The following PIK3C2A variants were observed in gnomAD, a reference collection of about 807,000 sequenced individuals.
The protein encoded by PIK3C2A is phosphatidylinositol 4-phosphate 3-kinase C2 domain-containing subunit alpha.
In PIK3C2A, 97 loss-of-function variants were observed where a neutral mutation model predicts 204.5. That is an observed-to-expected ratio of 0.47 (90% CI 0.40 to 0.56). PIK3C2A has a LOEUF of 0.56. Ranked by LOEUF, PIK3C2A falls within the 20% of genes least tolerant of loss-of-function variation. The pLI, the probability that PIK3C2A is intolerant of heterozygous loss-of-function variation, is 0.00. For synonymous variants in PIK3C2A, 653 were observed against 664.4 expected, an observed-to-expected ratio of 0.98 and a Z score of 0.26; for missense variants, 1,735 against 1,969.2, an observed-to-expected ratio of 0.88 and a Z score of 2.25.
chr11:17,170,826 G>A (rs1035915394), intron 1 of PIK3C2A, among the ~76,000 whole-genome samples: 8 of 152,072 alleles, frequency 5.3e-5, no homozygotes, highest in South Asian at 2.1e-4. Context: ...ATGACTGGCC[G>A]GGCTCGGTGG....
At chr11:17,154,741 T>C (rs950109491) in intron 3 of PIK3C2A, among the ~76,000 whole-genome samples, 1 of 152,068 alleles carries the variant, frequency 6.6e-6, no homozygotes, top group African/African-American at 2.4e-5. Flanking sequence ...GGAAAGGAAA[T>C]GGAGTGGACA....
At chr11:17,171,644 T>C (rs558817414) in intron 1 of PIK3C2A, among the ~76,000 whole-genome samples, 3 of 152,236 alleles carry the variant, frequency 2.0e-5, no homozygotes, top group African/African-American at 7.2e-5. Context: ...ATGGGCACAA[T>C]GTATATTTAA....
At chr11:17,120,123 T>C (rs1234151805) in intron 15 of PIK3C2A, 149 bp from the exon 16 acceptor site, 36 of 494,526 alleles carry the variant, frequency 7.3e-5, no homozygotes, top group Admixed American at 3.9e-5. Flanking sequence ...AAAAATGCAA[T>C]GTATGGCAAA....
chr11:17,100,481 C>T (rs924800216), intron 25 of PIK3C2A, among the ~76,000 whole-genome samples: 1 of 152,150 alleles, frequency 6.6e-6, no homozygotes, highest in African/African-American at 2.4e-5. Flanking sequence ...CTTAGCCTCC[C>T]AAAGTGCTGG....
intron 27 of PIK3C2A, among the ~76,000 whole-genome samples, chr11:17,096,334 G>A (rs969777178): frequency 2.0e-5 from 3 of 152,054 alleles, no homozygotes; most frequent in African/African-American, 4.8e-5. Context: ...CACTGCGCCC[G>A]GCCTATTTAA....
chr11:17,129,938 C>T (rs949840583), intron 12 of PIK3C2A, among the ~76,000 whole-genome samples: 2 of 152,196 alleles, frequency 1.3e-5, no homozygotes, highest in Non-Finnish European at 2.9e-5. Context: ...GTCTGGCTAA[C>T]TTGTCCTATT....
intron 22 of PIK3C2A, among the ~76,000 whole-genome samples, chr11:17,110,022 G>A (rs188235798): frequency 0.014 from 2,086 of 151,876 alleles, 158 homozygotes; most frequent in Admixed American, 0.11. Context: ...ATGCAATCTC[G>A]GCTCACTGCA....
intron 27 of PIK3C2A, among the ~76,000 whole-genome samples, chr11:17,095,887 A>C (rs555271877): frequency 4.0e-5 from 6 of 151,822 alleles, no homozygotes; most frequent in Non-Finnish European, 7.4e-5. Flanking sequence ...ACTGCACTCC[A>C]GCCTGGGCAA....
chr11:17,125,166 ATTTTAAGG>A (rs1057116378), intron 13 of PIK3C2A, among the ~76,000 whole-genome samples: 9 of 152,204 alleles, frequency 5.9e-5, no homozygotes, highest in African/African-American at 2.2e-4. Flanking sequence ...ATTTTCACAG[ATTTTAAGG>A]TTTTAAAACA....
intron 2 of PIK3C2A, among the ~76,000 whole-genome samples, chr11:17,167,356 C>T (rs747586142): frequency 1.9e-4 from 29 of 152,260 alleles, no homozygotes; most frequent in Non-Finnish European, 3.8e-4. Flanking sequence ...GGCATGGTGG[C>T]TCACGCCTGT....
rs192084915 is a variant in PIK3C2A at position 17,206,464 on chromosome 11, G to C, written c.-66+1384C>G. Among the ~76,000 whole-genome samples, 519 of 151,130 alleles carry C rather than the reference G, an allele frequency of 3.4e-3. 3 individuals are homozygous for C. The highest frequency in any genetic ancestry group is 0.012 in the African/African-American group (498 of 41,130). On this transcript the variant is annotated intron_variant, in intron 1 of 32. Transcript: ENST00000691414. ...CAACTAGGGTCCTTTCGTCTAATTT[G>C]CTGCTGTGAATAAGAGCACCATCCT...
chr11:17,135,820 T>C (rs1338180108), intron 9 of PIK3C2A, among the ~76,000 whole-genome samples: 1 of 152,146 alleles, frequency 6.6e-6, no homozygotes, highest in Admixed American at 6.5e-5. Flanking sequence ...TGGACTATGT[T>C]ATCTTCTAGA....
intron 1 of PIK3C2A, among the ~76,000 whole-genome samples, chr11:17,206,588 TAA>T (rs567568074): frequency 2.0e-4 from 28 of 136,640 alleles, no homozygotes; most frequent in African/African-American, 3.0e-4. Context: ...CCATGTCAAT[TAA>T]AAAAAAAAAA....
chr11:17,189,310 T>C (rs2137545916), intron 1 of PIK3C2A, among the ~76,000 whole-genome samples: 1 of 147,000 alleles, frequency 6.8e-6, no homozygotes, highest in East Asian at 1.9e-4. Context: ...CTCCTTTGTT[T>C]TATAGAAGCT....
intron 22 of PIK3C2A, among the ~76,000 whole-genome samples, chr11:17,109,880 C>A (rs1848940712): frequency 6.6e-6 from 1 of 151,986 alleles, no homozygotes; most frequent in Middle Eastern, 3.2e-3. Context: ...CCATACAGTC[C>A]TCACTGGGTC....
At chr11:17,157,459 C>CAA (rs11387654) in intron 2 of PIK3C2A, among the ~76,000 whole-genome samples, 1,334 of 98,108 alleles carry the variant, frequency 0.014, 28 homozygotes, top group South Asian at 0.043. Context: ...GACTCTGTCT[C>CAA]AAAAAAAAAA....
chr11:17,141,377 T>C (rs959213149), intron 8 of PIK3C2A: 8 of 151,160 alleles, frequency 5.3e-5, no homozygotes, highest in Admixed American at 5.3e-4. Flanking sequence ...TTTCAACCAA[T>C]TCTCCTACCT....
chr11:17,199,169 A>T (rs1327078311), intron 1 of PIK3C2A, among the ~76,000 whole-genome samples: 1 of 151,974 alleles, frequency 6.6e-6, no homozygotes, highest in East Asian at 1.9e-4. Context: ...ATGAAAAGAT[A>T]CTCAATATCA....
At chr11:17,177,579 TA>T (rs1851378262) in intron 1 of PIK3C2A, among the ~76,000 whole-genome samples, 5 of 152,052 alleles carry the variant, frequency 3.3e-5, no homozygotes, top group Admixed American at 3.3e-4. Flanking sequence ...AATAGAAAAC[TA>T]AAAGTAAAAG....
Sources: allele counts gnomAD v4.1 joint callset (sites outside exome capture counted in the v4.1 genomes callset), GRCh38; gene constraint gnomAD v4.1.1; transcripts MANE v1.5; gene names NCBI Gene and HGNC (gene_info 2026-07-23, HGNC 2026-07-21).